Variants in DSCAM observed in about 807,000 individuals in gnomAD.
DSCAM encodes the protein DS cell adhesion molecule, also known as cell adhesion molecule DSCAM.
In DSCAM, 47 loss-of-function variants were observed where a neutral mutation model predicts 217.7. That is an observed-to-expected ratio of 0.22 (90% CI 0.17 to 0.28). The LOEUF (loss-of-function observed/expected upper bound fraction) is 0.28, where lower values mean the gene tolerates loss of function less well. Among genes scored for constraint, DSCAM ranks in the 10% least tolerant of loss-of-function variants. The pLI is 1.00. For synonymous variants in DSCAM, 1,056 were observed against 1,015.3 expected (o/e 1.04, Z -0.76); for missense variants, 2,080 against 2,618.3 (o/e 0.79, Z 4.49).
At chr21:40,421,636 T>G (rs1161893790) in intron 3 of DSCAM, among the ~76,000 whole-genome samples, 1 of 152,234 alleles carries the variant, frequency 6.6e-6, no homozygotes, top group Non-Finnish European at 1.5e-5. Flanking sequence ...AGTCTTTGAA[T>G]TTCCGCCATC....
chr21:40,013,186 A>C lies in DSCAM; in HGVS notation c.5887T>G (p.Trp1963Gly), dbSNP rs768438707. ...AATGTGGCCACGGCCCCCGGCTGCC[A>C]CGACTGTCCTTCTCTCGTGGAGGAG... ...SASSTREGQSWQPGAVATLPQ... is the reference protein window; with the variant it reads ...SASSTREGQSGQPGAVATLPQ... Residue 1963 changes from tryptophan (W) to glycine (G), a missense_variant, in exon 33 of 33, where the codon TGG becomes GGG. By Grantham distance (184) the Trp-to-Gly change is radical. Coordinates refer to ENST00000400454, the MANE Select transcript of DSCAM (RefSeq NM_001389.5). 6.2e-7 allele frequency: 1 copy of C among 1,613,510 alleles called. No individual in the cohort carries two copies. The highest frequency in any genetic ancestry group is 1.1e-5 in the South Asian group (1 of 90,912).
At chr21:40,757,175 C>G (rs989199670) in intron 1 of DSCAM, among the ~76,000 whole-genome samples, 4 of 152,084 alleles carry the variant, frequency 2.6e-5, no homozygotes, top group African/African-American at 9.7e-5. Flanking sequence ...AGGTGCCCAC[C>G]ACCAAGCCCG....
intron 3 of DSCAM, among the ~76,000 whole-genome samples, chr21:40,691,546 T>C (rs917924802): frequency 6.6e-6 from 1 of 152,232 alleles, no homozygotes; most frequent in African/African-American, 2.4e-5. Flanking sequence ...AAGATGAAGA[T>C]GTTTCAACAC....
intron 3 of DSCAM, among the ~76,000 whole-genome samples, chr21:40,680,597 G>T (rs1387652739): frequency 6.6e-6 from 1 of 152,196 alleles, no homozygotes; most frequent in Non-Finnish European, 1.5e-5. Flanking sequence ...TCTTTTCAAA[G>T]AACATTTTGA....
In DSCAM at chr21:40,246,354, TAAAAAAAAAAAAAAAAAA is replaced by T. The variant is rs34308158; in HGVS notation, c.2356+29725_2356+29742del. Among the ~76,000 whole-genome samples, 11 of 13,936 alleles carry T rather than the reference TAAAAAAAAAAAAAAAAAA, an allele frequency of 7.9e-4. 1 individual carries two copies. The highest frequency in any genetic ancestry group is 2.9e-3 in the Admixed American group (2 of 680). The allele number at this position is 13,936 out of a possible 152,430, so 9.1% of individuals were successfully genotyped here. On this transcript the variant is annotated intron_variant, in intron 11 of 32. Transcript: ENST00000400454. ...CAACATGATGAAACCCAGTCCGTAC[TAAAAAAAAAAAAAAAAAA>T]AAAAAAAAAAAAAAAAAAATTAGCT...
Position 40,355,299 on chromosome 21 carries a change from G to A in DSCAM, c.656-1556C>T, listed in dbSNP as rs1158389784. On this transcript the variant is annotated intron_variant, in intron 4 of 32. Coordinates refer to ENST00000400454, the MANE Select transcript of DSCAM (RefSeq NM_001389.5). The stretch of plus-strand genomic sequence containing the variant: ...ATAAGGTGAATGAGCACTACCGACA[G>A]CATGTGGCGTAGCAAGACAATGGAT... Among the ~76,000 whole-genome samples, 4 of 152,186 alleles carry A rather than the reference G, an allele frequency of 2.6e-5. No individual in the cohort carries two copies. In the East Asian group the frequency reaches 7.7e-4, roughly 29 times the overall value.
At chr21:40,218,584 G>A (rs2091263913) in intron 11 of DSCAM, among the ~76,000 whole-genome samples, 1 of 151,832 alleles carries the variant, frequency 6.6e-6, no homozygotes, top group African/African-American at 2.4e-5. Flanking sequence ...GATTTTGGCA[G>A]TACCATTTTA....
chr21:40,500,443 G>C (rs1256193727), intron 3 of DSCAM, among the ~76,000 whole-genome samples: 1 of 152,162 alleles, frequency 6.6e-6, no homozygotes, highest in African/African-American at 2.4e-5. Context: ...TTTTAAAAGA[G>C]AGATTAAGTG....
intron 1 of DSCAM, among the ~76,000 whole-genome samples, chr21:40,740,077 C>T (rs1336412511): frequency 6.7e-6 from 1 of 148,196 alleles, no homozygotes; most frequent in Non-Finnish European, 1.5e-5. Flanking sequence ...AGAGGAAATG[C>T]CTGGAGCTGA....
chr21:40,079,338 A>G (rs2089419118), intron 25 of DSCAM, among the ~76,000 whole-genome samples: 1 of 152,144 alleles, frequency 6.6e-6, no homozygotes, highest in African/African-American at 2.4e-5. Flanking sequence ...TCAAGAGAAG[A>G]CAGAGTTGGA....
chr21:40,648,167 G>T (rs1300874927), intron 3 of DSCAM, among the ~76,000 whole-genome samples: 1 of 151,628 alleles, frequency 6.6e-6, no homozygotes, highest in African/African-American at 2.4e-5. Flanking sequence ...TATATCTGGG[G>T]TGATACTAAA....
At chr21:40,230,535 C>A (rs1168649127) in intron 11 of DSCAM, among the ~76,000 whole-genome samples, 1 of 151,992 alleles carries the variant, frequency 6.6e-6, no homozygotes, top group Non-Finnish European at 1.5e-5. Context: ...CAGGTGTAGA[C>A]TTAGGTTTTT....
chr21:40,290,921 G>T (rs146367610), intron 10 of DSCAM, among the ~76,000 whole-genome samples: 1 of 152,336 alleles, frequency 6.6e-6, no homozygotes, highest in African/African-American at 2.4e-5. Flanking sequence ...ACAGAACATA[G>T]AGGGTCTAAG....
intron 3 of DSCAM, among the ~76,000 whole-genome samples, chr21:40,587,316 C>T (rs192843200): frequency 1.3e-5 from 2 of 152,318 alleles, no homozygotes; most frequent in Non-Finnish European, 2.9e-5. Context: ...TTATAACTCA[C>T]ATAATCACAT....
chr21:40,681,884 C>G (rs1416586129), intron 3 of DSCAM, among the ~76,000 whole-genome samples: 2 of 152,118 alleles, frequency 1.3e-5, no homozygotes, highest in African/African-American at 4.8e-5. Context: ...TGCCAAGGAG[C>G]CAAGGACCGC....
At position 40,560,903 on chromosome 21, in the gene DSCAM, C is replaced by T. The variant is rs573113984; in HGVS notation, c.508+131907G>A. ...CTGAATGCATATCACTTTCACACCA[C>T]GGTAAAGCCAAATATTGTCATAGTA... On this transcript the variant is annotated intron_variant, in intron 3 of 32. Transcript: ENST00000400454. Among the ~76,000 whole-genome samples the T allele has an allele frequency of 1.5e-4, 23 of 152,216 alleles. 1 individual carries two copies. The highest frequency in any genetic ancestry group is 9.7e-4 in the East Asian group (5 of 5,166).
intron 10 of DSCAM, among the ~76,000 whole-genome samples, chr21:40,289,721 G>T (rs60717958): frequency 0.043 from 6,602 of 152,204 alleles, 481 homozygotes; most frequent in African/African-American, 0.15. Flanking sequence ...GTAGGAAAGC[G>T]CATAGTATAT....
chr21:40,659,575 T>C (rs1012862040), intron 3 of DSCAM, among the ~76,000 whole-genome samples: 1 of 152,196 alleles, frequency 6.6e-6, no homozygotes, highest in African/African-American at 2.4e-5. Context: ...TATCTATGTA[T>C]CTATCTTTCA....
At chr21:40,438,496 T>G (rs1048052330) in intron 3 of DSCAM, among the ~76,000 whole-genome samples, 1 of 152,234 alleles carries the variant, frequency 6.6e-6, no homozygotes, top group Non-Finnish European at 1.5e-5. Flanking sequence ...TACACTTTTG[T>G]AAGCCTCACA....
Sources: allele counts gnomAD v4.1 joint callset (sites outside exome capture counted in the v4.1 genomes callset), GRCh38; gene constraint gnomAD v4.1.1; transcripts MANE v1.5; gene names NCBI Gene and HGNC (gene_info 2026-07-23, HGNC 2026-07-21).